Variants in EVC2 observed in about 807,000 individuals in gnomAD.
The protein encoded by EVC2 is limbin.
In EVC2, 148 loss-of-function variants were observed where a neutral mutation model predicts 149.3. The observed-to-expected ratio is 0.99, with a 90% confidence interval of 0.87 to 1.14. EVC2 has a LOEUF of 1.14. EVC2 is among the 50% of genes most tolerant of loss of function. The probability of loss-of-function intolerance (pLI) is 0.00; values close to 1 mark genes in which losing one functional copy is unlikely to be tolerated. For missense variants in EVC2, 1,854 were observed against 1,627.3 expected (o/e 1.14, Z -2.40); for synonymous variants, 776 against 649.9 (o/e 1.19, Z -2.95).
At chr4:5,656,601 G>A (rs915825348) in intron 9 of EVC2, among the ~76,000 whole-genome samples, 3 of 152,188 alleles carry the variant, frequency 2.0e-5, no homozygotes, top group Non-Finnish European at 4.4e-5. Flanking sequence ...AGAAGAAGGG[G>A]AGGTCACGTG....
rs1715819088 is a variant in EVC2, at chr4:5,622,892, C to G, written c.2146G>C (p.Glu716Gln). The change falls in exon 14 of 22, where the codon GAG becomes CAG. Residue 716 changes from glutamate to glutamine, a missense_variant. Coordinates refer to ENST00000344408, the MANE Select transcript of EVC2 (RefSeq NM_147127.5). This position sits in a 1 kb window ranked among gnomAD's most constrained non-coding sequence, Gnocchi z 5.8. ...YLHQKRSLME[E>Q]HGATLEELQE... Reference sequence around the variant, plus strand: ...AGCTCCTCCAGGGTGGCACCGTGCTCCTCCATCAGGCTCCTCTTCTGGTGC... The same window carrying G: ...AGCTCCTCCAGGGTGGCACCGTGCTGCTCCATCAGGCTCCTCTTCTGGTGC... 2 of 1,614,068 alleles carry G rather than the reference C, an allele frequency of 1.2e-6. No individual in the cohort carries two copies. The highest frequency in any genetic ancestry group is 1.7e-6 in the Non-Finnish European group (2 of 1,180,050).
intron 1 of EVC2, among the ~76,000 whole-genome samples, chr4:5,706,429 CATAG>C (rs368245961): frequency 0.22 from 2,703 of 12,322 alleles, 456 homozygotes; most frequent in Non-Finnish European, 0.27. Context: ...TAGATAGATA[CATAG>C]ATAGATAGAT....
Position 5,614,440 on chromosome 4 carries a change from T to A in EVC2, c.2829+982A>T, listed in dbSNP as rs1410677706. 6.6e-6 allele frequency among the ~76,000 whole-genome samples: 1 copy of A among 151,946 alleles called. No homozygotes were observed. Among genetic ancestry groups the A allele is most frequent in the Admixed American group, 6.5e-5 (1 of 15,270 alleles). ...AAATACTTGTGGAACAAATTAACCA[T>A]GTGATAGGTGCTATGGTAAGGAAGA... On this transcript the variant is annotated intron_variant, in intron 16 of 21. Coordinates refer to ENST00000344408, the MANE Select transcript of EVC2 (RefSeq NM_147127.5). This position sits in a 1 kb window ranked among gnomAD's most constrained non-coding sequence, Gnocchi z 4.7.
rs1715453232 is a variant in EVC2 at position 5,618,645 on chromosome 4, C to A, written c.2539G>T (p.Glu847Ter). ...ACCTCCTGCCTCATCCTGAGCAGCT[C>A]CTCTTCAGACAGGGAGAAGACTGAG... ...CSSVFSLSEEELLRMRQEVHG... is the reference protein window; with the variant it reads ...CSSVFSLSEE The change falls in exon 15 of 22, where the codon GAG becomes TAG. Residue 847 changes from glutamate (E) to a stop codon, truncating the protein, a stop_gained. Transcript: ENST00000344408. LOFTEE classifies it high-confidence loss of function. The surrounding 1 kb of genome is among the most constrained non-coding windows in gnomAD (Gnocchi z 4.4). The A allele has an allele frequency of 1.9e-6, 3 of 1,609,870 alleles. No individual in the cohort carries two copies. The highest frequency in any genetic ancestry group is 1.3e-5 in the African/African-American group (1 of 74,804).
At chr4:5,676,948 C>T (rs528978472) in intron 7 of EVC2, among the ~76,000 whole-genome samples, 4 of 152,248 alleles carry the variant, frequency 2.6e-5, no homozygotes, top group South Asian at 4.1e-4. Context: ...CCTAGCATCT[C>T]GCACTGAGCC....
chr4:5,594,535 A>C (rs571863355), intron 16 of EVC2, among the ~76,000 whole-genome samples: 29 of 152,310 alleles, frequency 1.9e-4, no homozygotes, highest in African/African-American at 6.5e-4. Flanking sequence ...AGGAAAACTA[A>C]CAAACAGAAA....
At chr4:5,619,979 G>A (rs1303888918) in intron 14 of EVC2, among the ~76,000 whole-genome samples, 1 of 152,190 alleles carries the variant, frequency 6.6e-6, no homozygotes, top group Non-Finnish European at 1.5e-5. Context: ...CCAGAGTCAG[G>A]TTTACCATAC....
chr4:5,585,293 C>G (rs933857307), intron 16 of EVC2, among the ~76,000 whole-genome samples: 3 of 152,152 alleles, frequency 2.0e-5, no homozygotes. Flanking sequence ...CCCAGCTGTG[C>G]GCTGTGCTCT....
At chr4:5,560,819 A>T (rs1218156723), downstream of EVC2, among the ~76,000 whole-genome samples, 2 of 152,216 alleles carry the variant, frequency 1.3e-5, no homozygotes, top group African/African-American at 2.4e-5. The surrounding 1 kb of genome is among the most constrained non-coding windows in gnomAD (Gnocchi z 4.1). Context: ...AGATAAAGAG[A>T]CTGAAGTTTA....
At chr4:5,708,168 A>C (rs1339337659) in intron 1 of EVC2, 118 bp downstream of exon 1, 13 of 920,460 alleles carry the variant, frequency 1.4e-5, no homozygotes, top group Non-Finnish European at 2.0e-5. Flanking sequence ...CCCTATTCAG[A>C]TCCTGCCCTC....
At chr4:5,619,048 C>A (rs1715491314) in intron 14 of EVC2, among the ~76,000 whole-genome samples, 1 of 152,100 alleles carries the variant, frequency 6.6e-6, no homozygotes, top group African/African-American at 2.4e-5. Flanking sequence ...CTATGTAGGA[C>A]CAATGGACAG....
intron 7 of EVC2, among the ~76,000 whole-genome samples, chr4:5,668,490 T>C (rs1381912596): frequency 6.6e-6 from 1 of 152,172 alleles, no homozygotes; most frequent in Non-Finnish European, 1.5e-5. Flanking sequence ...AAGTACTCCA[T>C]TTGTTCTGGA....
At chr4:5,644,935 A>T (rs550559504) in intron 9 of EVC2, among the ~76,000 whole-genome samples, 1 of 152,262 alleles carries the variant, frequency 6.6e-6, no homozygotes, top group African/African-American at 2.4e-5. Context: ...GTTGATGGGC[A>T]CTTAGGTTGA....
intron 21 of EVC2, among the ~76,000 whole-genome samples, chr4:5,549,453 T>A (rs956347530): frequency 6.6e-6 from 1 of 152,226 alleles, no homozygotes; most frequent in Non-Finnish European, 1.5e-5. Context: ...CACATGTGCA[T>A]CTCCCATTCT....
chr4:5,639,352 T>C (rs1717140788), intron 10 of EVC2, among the ~76,000 whole-genome samples: 1 of 152,222 alleles, frequency 6.6e-6, no homozygotes, highest in African/African-American at 2.4e-5. Flanking sequence ...AAATCAGGTT[T>C]GATTTGGTAT....
the EVC2 span, among the ~76,000 whole-genome samples, chr4:5,535,921 C>A: frequency 2.6e-5 from 4 of 152,126 alleles, no homozygotes; most frequent in African/African-American, 9.7e-5. The surrounding 1 kb of genome is among the most constrained non-coding windows in gnomAD (Gnocchi z 4.7). Flanking sequence ...TTGTCTTCTA[C>A]ACCTGTCTCC....
chr4:5,563,583 G>A (rs540285009), intron 21 of EVC2, among the ~76,000 whole-genome samples: 19 of 152,094 alleles, frequency 1.2e-4, no homozygotes, highest in East Asian at 1.2e-3. Flanking sequence ...TTCATGATCC[G>A]CCCACATCGG....
chr4:5,629,034 G>T (rs988189939), intron 11 of EVC2, among the ~76,000 whole-genome samples: 1 of 152,260 alleles, frequency 6.6e-6, no homozygotes, highest in South Asian at 2.1e-4. Flanking sequence ...CTTCATCCAT[G>T]CACGCTCCCT....
At chr4:5,659,910 A>C (rs1207821554) in intron 9 of EVC2, among the ~76,000 whole-genome samples, 1 of 152,256 alleles carries the variant, frequency 6.6e-6, no homozygotes, top group Non-Finnish European at 1.5e-5. Flanking sequence ...TGCTGATTGC[A>C]TGATCCAAAT....
Sources: allele counts gnomAD v4.1 joint callset (sites outside exome capture counted in the v4.1 genomes callset), GRCh38; gene constraint gnomAD v4.1.1; non-coding constraint Gnocchi (gnomAD v3.1); transcripts MANE v1.5; gene names NCBI Gene and HGNC (gene_info 2026-07-23, HGNC 2026-07-21).